VPS13A: variants seen among roughly 807,000 people sequenced by gnomAD.
VPS13A encodes intermembrane lipid transfer protein VPS13A.
Under a neutral mutation model 390.9 loss-of-function variants are expected in VPS13A, and 264 were observed. That is an observed-to-expected ratio of 0.68 (90% CI 0.61 to 0.75). The LOEUF (loss-of-function observed/expected upper bound fraction) is 0.75. Among genes scored for constraint, VPS13A ranks in the 30% least tolerant of loss-of-function variants. The pLI, the probability that VPS13A is intolerant of heterozygous loss-of-function variation, is 0.00. For synonymous variants in VPS13A, 1,231 were observed against 1,227.1 expected (o/e 1.00, Z -0.07); for missense variants, 3,409 against 3,733.9 (o/e 0.91, Z 2.27).
At position 77,275,811 on chromosome 9, in the gene VPS13A, C is replaced by T. The variant is rs7041795; in HGVS notation, c.2667+159C>T. 0.28 allele frequency among the ~76,000 whole-genome samples: 41,044 copies of T among 146,794 alleles called. 5,965 individuals carry two copies. Among genetic ancestry groups the T allele is most frequent in the Middle Eastern group, 0.36 (104 of 288 alleles). ...ATTCTTGGTCACTCCCCGCCCCCCCCTTTTTTTTTTAAATAAGATTAACTT... is the reference window on the plus strand; with the variant it reads ...ATTCTTGGTCACTCCCCGCCCCCCCTTTTTTTTTTTAAATAAGATTAACTT... On this transcript the variant is annotated intron_variant, in intron 25 of 71. Transcript: ENST00000360280.
chr9:77,295,439 TA>T, intron 32 of VPS13A, 102 bp from the exon 33 acceptor site: 1 of 1,043,408 alleles, frequency 9.6e-7, no homozygotes, highest in Non-Finnish European at 1.3e-6. Flanking sequence ...TTGTATCAAG[TA>T]AAAGTTTTTT....
intron 34 of VPS13A, among the ~76,000 whole-genome samples, chr9:77,303,576 C>G (rs925644135): frequency 4.6e-5 from 7 of 152,116 alleles, no homozygotes; most frequent in Non-Finnish European, 7.3e-5. Flanking sequence ...TGCACTGGCA[C>G]CGGCCTCTGA....
At chr9:77,395,532 G>A (rs1007521723) in intron 68 of VPS13A, among the ~76,000 whole-genome samples, 5 of 152,202 alleles carry the variant, frequency 3.3e-5, no homozygotes, top group East Asian at 1.9e-4. Context: ...AAATGAGCAT[G>A]TGCTGTTGGA....
intron 39 of VPS13A, 68 bp from the exon 40 acceptor site, chr9:77,317,538 A>G (rs1829470642): frequency 1.1e-5 from 13 of 1,214,302 alleles, no homozygotes; most frequent in Non-Finnish European, 1.5e-5. Flanking sequence ...TATTACTAGG[A>G]AAGTCTTTAA....
intron 1 of VPS13A, among the ~76,000 whole-genome samples, chr9:77,181,554 A>G (rs1279433985): frequency 1.3e-5 from 2 of 151,258 alleles, no homozygotes; most frequent in Non-Finnish European, 2.9e-5. Flanking sequence ...GATGCTGCAT[A>G]GGAAAATTTT....
At position 77,356,865 on chromosome 9, in the gene VPS13A, C is replaced by A. The variant is rs147169859; in HGVS notation, c.7804C>A (p.Pro2602Thr). The change falls in exon 55 of 72, where the codon CCG (proline) becomes ACG (threonine). Residue 2602 changes from proline to threonine, a missense_variant and splice_region_variant. By Grantham distance (38) the Pro-to-Thr change is conservative. This residue lies in a region of VPS13A where 221 missense variants were observed against 300.7 expected (regional missense o/e 0.73). Transcript: ENST00000360280. ...DKVIQLDTNV[P>T]VRLTPTGHNM... The stretch of plus-strand genomic sequence containing the variant: ...GGTTATTCAGTTGGACACTAATGTT[C>A]CGGTAATATTTTTAAGTACTGATGT... 28 of 1,613,530 alleles carry A rather than the reference C, an allele frequency of 1.7e-5. No homozygotes were observed. The highest frequency in any genetic ancestry group is 1.9e-5 in the Non-Finnish European group (23 of 1,179,864).
At chr9:77,367,892 G>A (rs1224248879) in intron 61 of VPS13A, among the ~76,000 whole-genome samples, 163 bp from the exon 62 acceptor site, 1 of 152,196 alleles carries the variant, frequency 6.6e-6, no homozygotes, top group African/African-American at 2.4e-5. Flanking sequence ...ATTAGGATAT[G>A]CAGAGATGTA....
chr9:77,233,478 T>G (rs1396231007), intron 17 of VPS13A, among the ~76,000 whole-genome samples: 1 of 152,166 alleles, frequency 6.6e-6, no homozygotes, highest in Non-Finnish European at 1.5e-5. Flanking sequence ...TTTTTAGTTC[T>G]TTAAAGTGTA....
rs760470588 is a variant in VPS13A at position 77,337,397 on chromosome 9, A to C, written c.6238A>C (p.Asn2080His). ...CCCTTCTAAGGAATCATTTCTCATT[A>C]ATATTGTTCCAGAAAAAGATAATTT... ...KNPSKESFLI[N>H]IVPEKDNLTS... is the part of the protein sequence containing the mutation. Residue 2080 changes from asparagine to histidine, a missense_variant, in exon 47 of 72, where the codon AAT becomes CAT. Transcript: ENST00000360280. 1.9e-6 allele frequency: 3 copies of C among 1,612,708 alleles called. No homozygotes were observed. Among genetic ancestry groups the C allele is most frequent in the Non-Finnish European group, 2.5e-6 (3 of 1,178,992 alleles).
rs78657983 is a variant in VPS13A, at chr9:77,291,013, A to G, written c.3340-2328A>G. On this transcript the variant is annotated intron_variant, in intron 31 of 71. Coordinates refer to ENST00000360280, the MANE Select transcript of VPS13A (RefSeq NM_033305.3). ...CATAATTATTGATCGAATGTCAGAC[A>G]TCATATCATGCATAGCAGGAGTCCC... 4.5e-3 allele frequency among the ~76,000 whole-genome samples: 683 copies of G among 152,270 alleles called. 5 individuals are homozygous for G. The highest frequency in any genetic ancestry group is 0.016 in the African/African-American group (645 of 41,536).
intron 42 of VPS13A, among the ~76,000 whole-genome samples, chr9:77,320,763 GCTACTATTGTCTGC>G (rs1829699952): frequency 6.6e-6 from 1 of 152,140 alleles, no homozygotes; most frequent in Admixed American, 6.6e-5. Flanking sequence ...ACACTGTTCT[GCTACTATTGTCTGC>G]CTTTGTAAGT....
intron 71 of VPS13A, among the ~76,000 whole-genome samples, chr9:77,413,890 T>C (rs1019576154): frequency 6.6e-6 from 1 of 151,712 alleles, no homozygotes; most frequent in African/African-American, 2.4e-5. Flanking sequence ...CTCAAACAAA[T>C]CTACAAGAAA....
chr9:77,308,673 G>A (rs967264220), intron 35 of VPS13A, among the ~76,000 whole-genome samples: 7 of 152,146 alleles, frequency 4.6e-5, no homozygotes, highest in Non-Finnish European at 1.0e-4. Context: ...AATGTGGCTG[G>A]TTTCTGAGCT....
At chr9:77,382,735 T>A in intron 68 of VPS13A, 1 of 986,966 alleles carries the variant, frequency 1.0e-6, no homozygotes, top group Non-Finnish European at 1.2e-6. Context: ...CTTCCTGCTT[T>A]ATTCTAGTGT....
chr9:77,181,060 A>G (rs1167416394), intron 1 of VPS13A, among the ~76,000 whole-genome samples: 1 of 152,162 alleles, frequency 6.6e-6, no homozygotes, highest in African/African-American at 2.4e-5. Flanking sequence ...TCAAAATAAA[A>G]TAAAATAACA....
rs1564724090 is a variant in VPS13A, at chr9:77,318,347, A to T, written c.5069A>T (p.Lys1690Met). 1 of 1,613,522 alleles carries T rather than the reference A, an allele frequency of 6.2e-7. No homozygotes were observed. The highest frequency in any genetic ancestry group is 8.5e-7 in the Non-Finnish European group (1 of 1,179,842). Residue 1690 changes from lysine (K) to methionine (M), a missense_variant, in exon 41 of 72, where the codon AAG becomes ATG. Transcript: ENST00000360280. Reference sequence around the variant, plus strand: ...TCTACTGCACATTTATGGGAAAAGAAGGATACAAAGACTTTAAAAATGTGG... The same window carrying T: ...TCTACTGCACATTTATGGGAAAAGATGGATACAAAGACTTTAAAAATGTGG... ...ASSTAHLWEK[K>M]DTKTLKMWFL...
chr9:77,266,195 G>C (rs959583837), intron 23 of VPS13A, among the ~76,000 whole-genome samples: 3 of 152,178 alleles, frequency 2.0e-5, no homozygotes, highest in Non-Finnish European at 4.4e-5. Context: ...ATTTGCTGAA[G>C]CTTGTTTTAC....
At chr9:77,410,941 A>G (rs569766967) in intron 71 of VPS13A, among the ~76,000 whole-genome samples, 89 of 152,348 alleles carry the variant, frequency 5.8e-4, no homozygotes, top group African/African-American at 2.0e-3. Flanking sequence ...AGCAGACCTA[A>G]TAGACATCTA....
At chr9:77,286,261 G>C (rs1014947268) in intron 31 of VPS13A, among the ~76,000 whole-genome samples, 3 of 152,156 alleles carry the variant, frequency 2.0e-5, no homozygotes, top group Non-Finnish European at 2.9e-5. Flanking sequence ...TAGCTTGCAG[G>C]CATGTTGGTC....
Sources: gnomAD v4.1 joint callset for allele counts (sites outside exome capture counted in the v4.1 genomes callset) on GRCh38, gnomAD v4.1.1 for gene constraint, gnomAD v4.1.1 regional missense constraint, MANE v1.5 for transcripts, NCBI Gene and HGNC (gene_info 2026-07-23, HGNC 2026-07-21) for gene names.